Variants in CNGA3 observed in about 807,000 individuals in gnomAD.
CNGA3 encodes cyclic nucleotide gated channel subunit alpha 3, also known as cyclic nucleotide-gated channel alpha-3.
A neutral mutation model predicts 46.6 loss-of-function variants in CNGA3; 42 were observed. The observed-to-expected ratio is 0.90, with a 90% CI of 0.70 to 1.17. The LOEUF (loss-of-function observed/expected upper bound fraction) is 1.17, where lower values mean the gene tolerates loss of function less well. Among genes scored for constraint, CNGA3 ranks in the 50% most tolerant of loss-of-function variants. The pLI, the probability that CNGA3 is intolerant of heterozygous loss-of-function variation, is 0.00. For synonymous variants in CNGA3, 394 were observed against 369.4 expected, an observed-to-expected ratio of 1.07 and a Z score of -0.76; for missense variants, 893 against 890.7, an observed-to-expected ratio of 1.00 and a Z score of -0.03.
chr2:98,377,372 A>C (rs992843532), intron 2 of CNGA3: 2 of 306,120 alleles, frequency 6.5e-6, no homozygotes, highest in African/African-American at 4.2e-5. Context: ...CTTTGGCTTG[A>C]AATGGCAAGC....
chr2:98,361,934 C>T (rs975130970), intron 1 of CNGA3, among the ~76,000 whole-genome samples: 3 of 151,920 alleles, frequency 2.0e-5, no homozygotes, highest in African/African-American at 7.3e-5. Context: ...GTCTCGATTT[C>T]CTGGCCTCGT....
chr2:98,368,498 C>T (rs1692213091), intron 1 of CNGA3, among the ~76,000 whole-genome samples: 1 of 152,232 alleles, frequency 6.6e-6, no homozygotes, highest in South Asian at 2.1e-4. Flanking sequence ...GCCCTGCTCT[C>T]ACATAGGCTT....
intron 1 of CNGA3, among the ~76,000 whole-genome samples, chr2:98,357,328 A>C (rs776016760): frequency 2.4e-4 from 36 of 152,208 alleles, no homozygotes; most frequent in Non-Finnish European, 2.9e-5. Context: ...ACACAGCAAA[A>C]TGTGATTGTA....
intron 4 of CNGA3, 38 bp from the exon 5 acceptor site, chr2:98,383,348 CAG>C (rs1169340949): frequency 1.9e-6 from 3 of 1,602,436 alleles, no homozygotes; most frequent in Non-Finnish European, 2.6e-6. Flanking sequence ...GGAATGGAAA[CAG>C]AGTTCAGACC....
At chr2:98,371,276 A>G (rs757451642) in intron 2 of CNGA3, among the ~76,000 whole-genome samples, 14 of 152,196 alleles carry the variant, frequency 9.2e-5, no homozygotes, top group Non-Finnish European at 1.6e-4. Context: ...CCCAAAATGC[A>G]GTAACATCCC....
At chr2:98,392,966 T>C (rs1177126455) in intron 7 of CNGA3, among the ~76,000 whole-genome samples, 2 of 152,126 alleles carry the variant, frequency 1.3e-5, no homozygotes, top group Non-Finnish European at 2.9e-5. Context: ...CCAAGATTTT[T>C]GAACTGAAAA....
In CNGA3 at chr2:98,397,641, C is replaced by T. The variant is rs191554742; in HGVS notation, c.*386C>T. 6.5e-4 allele frequency: 204 copies of T among 312,386 alleles called. No homozygotes were observed. Among genetic ancestry groups the T allele is most frequent in the African/African-American group, 4.1e-3 (192 of 46,368 alleles). 19.4% of individuals were successfully genotyped at this position (312,386 alleles called of 1,614,324 possible). A position where few individuals can be genotyped will look rare whatever the true frequency, so the allele number is the denominator to read the frequency against. On this transcript the variant is annotated 3_prime_UTR_variant, in exon 8 of 8. Transcript: ENST00000272602. The stretch of plus-strand genomic sequence containing the variant: ...TGAAAGATTATTTAGTCACCTTTCT[C>T]CTGTCCAACTTCACCACCACCTGAT...
Position 98,377,669 on chromosome 2 carries a change from G to A in CNGA3, c.102-18G>A, listed in dbSNP as rs773593173. On this transcript the variant is annotated intron_variant, in intron 2 of 7. Coordinates refer to ENST00000272602, the MANE Select transcript of CNGA3 (RefSeq NM_001298.3). ...GGGCTTGAAATCAATTCTGCTTGCT[G>A]CATATCTGATTTCCTAGAGCCCACT... The A allele has an allele frequency of 1.1e-5, 17 of 1,605,788 alleles. No homozygotes were observed. In the East Asian group the frequency reaches 3.6e-4, roughly 34 times the overall value.
chr2:98,350,420 A>G (rs1273305761), intron 1 of CNGA3, among the ~76,000 whole-genome samples: 1 of 152,204 alleles, frequency 6.6e-6, no homozygotes, highest in Non-Finnish European at 1.5e-5. Context: ...AAGAAAAAAA[A>G]CACTTTGCCT....
chr2:98,383,244 C>T (rs376307124), intron 4 of CNGA3, 144 bp from the exon 5 acceptor site: 19 of 789,798 alleles, frequency 2.4e-5, no homozygotes, highest in African/African-American at 2.0e-4. Context: ...ACAATACCAC[C>T]CCGTATTCTT....
intron 5 of CNGA3, among the ~76,000 whole-genome samples, chr2:98,385,920 C>T (rs1041632599): frequency 6.6e-6 from 1 of 152,156 alleles, no homozygotes; most frequent in Non-Finnish European, 1.5e-5. Context: ...CTGTCTCAAG[C>T]AAAGCACCAA....
At chr2:98,382,158 G>A (rs948964820) in intron 4 of CNGA3, among the ~76,000 whole-genome samples, 1 of 152,192 alleles carries the variant, frequency 6.6e-6, no homozygotes, top group Non-Finnish European at 1.5e-5. Flanking sequence ...GGATGCGATG[G>A]TGCGGATAGT....
intron 1 of CNGA3, among the ~76,000 whole-genome samples, chr2:98,359,444 G>A (rs1242337965): frequency 6.6e-6 from 1 of 152,216 alleles, no homozygotes; most frequent in Non-Finnish European, 1.5e-5. Context: ...CAGGAAGGAT[G>A]CGAGGTAGAG....
intron 1 of CNGA3, among the ~76,000 whole-genome samples, chr2:98,351,678 AG>A (rs1265074316): frequency 6.6e-6 from 1 of 152,208 alleles, no homozygotes; most frequent in Non-Finnish European, 1.5e-5. Context: ...ACACGTAAAA[AG>A]TTATAGAGCA....
At chr2:98,359,135 C>T (rs1002707664) in intron 1 of CNGA3, among the ~76,000 whole-genome samples, 3 of 152,216 alleles carry the variant, frequency 2.0e-5, no homozygotes, top group Non-Finnish European at 2.9e-5. Context: ...CTCTGGGCAA[C>T]CAGGGGTTCT....
At chr2:98,385,863 G>T (rs1692642928) in intron 5 of CNGA3, among the ~76,000 whole-genome samples, 1 of 152,110 alleles carries the variant, frequency 6.6e-6, no homozygotes, top group South Asian at 2.1e-4. Flanking sequence ...GCAGGAGGAA[G>T]GTGGGGTAGG....
rs1692506095 is a variant in CNGA3, at chr2:98,380,221, G to A, written c.262G>A (p.Val88Met). 1.2e-6 allele frequency: 2 copies of A among 1,614,184 alleles called. No individual in the cohort carries two copies. The change falls in exon 4 of 8, where the codon GTG becomes ATG. Residue 88 changes from valine to methionine, a missense_variant. Val to Met is a conservative substitution (Grantham distance 21). Coordinates refer to ENST00000272602, the MANE Select transcript of CNGA3 (RefSeq NM_001298.3). Reference sequence around the variant, plus strand: ...GCTGCGCAGGTGGGCTGCCAGGCATGTGCACCACCAGGACCAGGGACCGGA... The same window carrying A: ...GCTGCGCAGGTGGGCTGCCAGGCATATGCACCACCAGGACCAGGGACCGGA... ...FLLRRWAARH[V>M]HHQDQGPDSF...
At chr2:98,380,105 A>G (rs1692501919) in intron 3 of CNGA3, 70 bp from the exon 4 acceptor site, 1 of 1,549,782 alleles carries the variant, frequency 6.5e-7, no homozygotes. Flanking sequence ...AGAGAGAGGG[A>G]AAGACTGGGG....
rs980650319 is a variant in CNGA3 at position 98,346,463 on chromosome 2, C to T, written c.-109C>T. The T allele has an allele frequency of 2.5e-6, 1 of 398,608 alleles. No homozygotes were observed. Among genetic ancestry groups the T allele is most frequent in the Non-Finnish European group, 4.4e-6 (1 of 226,172 alleles). 24.7% of individuals were successfully genotyped at this position (398,608 alleles called of 1,614,324 possible). On this transcript the variant is annotated 5_prime_UTR_variant, in exon 1 of 8. Coordinates refer to ENST00000272602, the MANE Select transcript of CNGA3 (RefSeq NM_001298.3). ...GCGGGGGAGGGAGCGAGCGGAACTG[C>T]GCCTAGGAGGCCGAGGGAGGAGGCG...
Sources: gnomAD v4.1 joint callset for allele counts (sites outside exome capture counted in the v4.1 genomes callset) on GRCh38, gnomAD v4.1.1 for gene constraint, MANE v1.5 for transcripts, NCBI Gene and HGNC (gene_info 2026-07-23, HGNC 2026-07-21) for gene names.